Variants in RIMS2 observed in about 807,000 individuals in gnomAD.
The protein encoded by RIMS2 is regulating synaptic membrane exocytosis protein 2.
RIMS2 carries 59 observed loss-of-function variants against 174.4 expected under a neutral mutation model. That is an observed-to-expected ratio of 0.34 (90% CI 0.27 to 0.42). The LOEUF is 0.42. Ranked by LOEUF, RIMS2 falls within the 10% of genes least tolerant of loss-of-function variation. The pLI is 1.00. For synonymous variants in RIMS2, 606 were observed against 572.5 expected (o/e 1.06, Z -0.84); for missense variants, 1,620 against 1,666.3 (o/e 0.97, Z 0.48).
chr8:104,141,668 T>G (rs542418279), intron 19 of RIMS2, among the ~76,000 whole-genome samples: 1 of 152,350 alleles, frequency 6.6e-6, no homozygotes, highest in South Asian at 2.1e-4. Flanking sequence ...TCTACAATGC[T>G]CACCTTCACT....
chr8:104,132,662 C>CCA (rs980306698), intron 19 of RIMS2, among the ~76,000 whole-genome samples: 14 of 152,166 alleles, frequency 9.2e-5, no homozygotes, highest in Admixed American at 4.6e-4. Context: ...AGCACAATTA[C>CCA]CACAGCGTAT....
Position 104,133,183 on chromosome 8 carries a change from G to T in RIMS2, c.3335-111733G>T, listed in dbSNP as rs10102529. On this transcript the variant is annotated intron_variant, in intron 19 of 23. Transcript: ENST00000504942. ...CTGTATTTGTACCATTTTAAGTGGGGTACGTAACATGTGAAGCTGAGTTGG... is the reference window on the plus strand; with the variant it reads ...CTGTATTTGTACCATTTTAAGTGGGTTACGTAACATGTGAAGCTGAGTTGG... Among the ~76,000 whole-genome samples, 802 of 152,280 alleles carry T rather than the reference G, an allele frequency of 5.3e-3. 6 individuals carry two copies. Among genetic ancestry groups the T allele is most frequent in the African/African-American group, 0.018 (730 of 41,560 alleles).
intron 2 of RIMS2, among the ~76,000 whole-genome samples, chr8:103,699,352 G>A (rs993476633): frequency 1.3e-5 from 2 of 152,006 alleles, no homozygotes; most frequent in Admixed American, 6.6e-5. Flanking sequence ...TTGGCCTCCC[G>A]AGTAGCAGGA....
intron 19 of RIMS2, among the ~76,000 whole-genome samples, chr8:104,187,853 C>A (rs370989842): frequency 1.3e-3 from 201 of 151,790 alleles, no homozygotes; most frequent in African/African-American, 4.4e-3. Context: ...TTCCTCTTAA[C>A]AGTGGATACT....
intron 3 of RIMS2, among the ~76,000 whole-genome samples, chr8:103,825,572 C>T (rs1279110620): frequency 2.0e-5 from 3 of 151,940 alleles, no homozygotes; most frequent in African/African-American, 7.3e-5. Context: ...ACATGAGCCA[C>T]TGCTCCCGGC....
At position 103,918,419 on chromosome 8, in the gene RIMS2, T is replaced by TC. The variant is rs752841586; in HGVS notation, c.2037-22_2037-21insC. The TC allele has an allele frequency of 2.8e-5, 24 of 849,404 alleles. 1 individual carries two copies. The African/African-American group carries it at 3.9e-4, about 14-fold the overall frequency. 52.6% of individuals were successfully genotyped at this position (849,404 alleles called of 1,614,324 possible). Reference sequence around the variant, plus strand: ...ATTGTTGAAACAGTTTCTGTCTTTCTTTTTTTTTTTAATCATTTCAGAGAT... The same window carrying TC: ...ATTGTTGAAACAGTTTCTGTCTTTCTCTTTTTTTTTTAATCATTTCAGAGAT... On this transcript the variant is annotated intron_variant, in intron 8 of 23. Transcript: ENST00000504942.
At chr8:103,528,238 G>T (rs1270447482) in intron 1 of RIMS2, among the ~76,000 whole-genome samples, 30 of 147,178 alleles carry the variant, frequency 2.0e-4, no homozygotes, top group South Asian at 4.3e-4. Context: ...CAATGGGGTT[G>T]TTTTTTTTTT....
intron 19 of RIMS2, among the ~76,000 whole-genome samples, chr8:104,120,841 T>C (rs1257263905): frequency 2.0e-5 from 3 of 152,170 alleles, no homozygotes; most frequent in Admixed American, 6.5e-5. Context: ...GCATTGCTTA[T>C]AGGAATTTTT....
intron 3 of RIMS2, among the ~76,000 whole-genome samples, chr8:103,824,876 AT>A (rs1564780038): frequency 6.6e-6 from 1 of 152,234 alleles, no homozygotes; most frequent in African/African-American, 2.4e-5. Flanking sequence ...CGTAGAGTTA[AT>A]GGAAAATGAT....
At chr8:103,637,270 G>A (rs1251925449) in intron 1 of RIMS2, among the ~76,000 whole-genome samples, 1 of 152,132 alleles carries the variant, frequency 6.6e-6, no homozygotes, top group Non-Finnish European at 1.5e-5. Flanking sequence ...ATCTAGTCTG[G>A]AGTGCTTGGA....
intron 1 of RIMS2, among the ~76,000 whole-genome samples, chr8:103,683,071 T>G (rs1371594172): frequency 6.6e-6 from 1 of 152,232 alleles, no homozygotes; most frequent in Non-Finnish European, 1.5e-5. Context: ...TTCAGTCACC[T>G]GGATTTTTAG....
At chr8:104,225,921 G>A (rs188182045) in intron 19 of RIMS2, among the ~76,000 whole-genome samples, 7 of 152,180 alleles carry the variant, frequency 4.6e-5, no homozygotes, top group Admixed American at 3.3e-4. Context: ...TTGATTTTGC[G>A]ATTCTCTTAA....
At chr8:103,952,007 C>G (rs1227818039) in intron 14 of RIMS2, among the ~76,000 whole-genome samples, 1 of 152,198 alleles carries the variant, frequency 6.6e-6, no homozygotes, top group African/African-American at 2.4e-5. Context: ...CTGGGTGGAG[C>G]CCACCACAGC....
intron 17 of RIMS2, among the ~76,000 whole-genome samples, chr8:103,999,299 G>A (rs1324340705): frequency 1.3e-5 from 2 of 151,646 alleles, no homozygotes; most frequent in Admixed American, 6.6e-5. Context: ...AGAGGTAATA[G>A]CAACAGTAAT....
At chr8:103,675,855 T>G (rs1000143363) in intron 1 of RIMS2, among the ~76,000 whole-genome samples, 1 of 152,188 alleles carries the variant, frequency 6.6e-6, no homozygotes, top group African/African-American at 2.4e-5. Context: ...TGTGGACTTT[T>G]AAATAGTTTT....
At chr8:103,677,163 A>T (rs767658639) in intron 1 of RIMS2, among the ~76,000 whole-genome samples, 25 of 152,054 alleles carry the variant, frequency 1.6e-4, no homozygotes, top group Non-Finnish European at 3.1e-4. Flanking sequence ...GTTCTTTAGA[A>T]ATTAGGATTC....
At chr8:103,868,097 A>C (rs2154508065) in intron 3 of RIMS2, among the ~76,000 whole-genome samples, 1 of 152,142 alleles carries the variant, frequency 6.6e-6, no homozygotes, top group Non-Finnish European at 1.5e-5. Context: ...TGCTAGGGAT[A>C]ATTTTCAACA....
chr8:103,536,062 T>C (rs1485277322), intron 1 of RIMS2, among the ~76,000 whole-genome samples: 2 of 152,174 alleles, frequency 1.3e-5, no homozygotes, highest in African/African-American at 4.8e-5. Context: ...AATAATAAAA[T>C]AGTAGTTTGG....
In RIMS2 at chr8:104,050,708, C is replaced by T. The variant is rs540876340; in HGVS notation, c.3334+36093C>T. Among the ~76,000 whole-genome samples the T allele has an allele frequency of 6.6e-5, 10 of 152,156 alleles. No homozygotes were observed. In the East Asian group the frequency reaches 1.7e-3, roughly 26 times the overall value. On this transcript the variant is annotated intron_variant, in intron 19 of 23. Transcript: ENST00000504942. ...TTTACAGGAAGATGAATAAGTAAAG[C>T]GTAGCACTGGACGGTAGTTATGATT...
Sources: gnomAD v4.1 joint callset for allele counts (sites outside exome capture counted in the v4.1 genomes callset) on GRCh38, gnomAD v4.1.1 for gene constraint, MANE v1.5 for transcripts, NCBI Gene and HGNC (gene_info 2026-07-23, HGNC 2026-07-21) for gene names.